The following ALDH1A2 variants were observed in gnomAD, a reference collection of about 807,000 sequenced individuals.
The protein encoded by ALDH1A2 is aldehyde dehydrogenase 1 family member A2.
Under a neutral mutation model 60.3 loss-of-function variants are expected in ALDH1A2, and 27 were observed. That is an observed-to-expected ratio of 0.45 (90% CI 0.33 to 0.62). The LOEUF (loss-of-function observed/expected upper bound fraction) is 0.62, where lower values mean the gene tolerates loss of function less well. ALDH1A2 is among the 20% of genes least tolerant of loss of function. ALDH1A2 has a pLI of 0.02. For synonymous variants in ALDH1A2, 289 were observed against 232.4 expected, an observed-to-expected ratio of 1.24 and a Z score of -2.21; for missense variants, 581 against 643.8, an observed-to-expected ratio of 0.90 and a Z score of 1.06.
intron 4 of ALDH1A2, among the ~76,000 whole-genome samples, chr15:57,996,699 G>A (rs1483654435): frequency 6.6e-6 from 1 of 151,752 alleles, no homozygotes; most frequent in Non-Finnish European, 1.5e-5. Context: ...GGAATTTCTT[G>A]ATCTAAGTGT....
At chr15:57,973,779 C>T (rs1455860184) in intron 7 of ALDH1A2, among the ~76,000 whole-genome samples, 1 of 152,194 alleles carries the variant, frequency 6.6e-6, no homozygotes, top group African/African-American at 2.4e-5. Flanking sequence ...TAGTTCCCCT[C>T]CAAATGAATG....
At chr15:58,027,953 G>A (rs1430469398) in intron 1 of ALDH1A2, among the ~76,000 whole-genome samples, 1 of 152,142 alleles carries the variant, frequency 6.6e-6, no homozygotes, top group African/African-American at 2.4e-5. Flanking sequence ...GGGGACAATG[G>A]AACCAAGTTA....
chr15:57,979,872 A>C, intron 7 of ALDH1A2: 1 of 331,568 alleles, frequency 3.0e-6, no homozygotes, highest in Admixed American at 3.1e-5. Context: ...AGACCTGGCT[A>C]CTATGGTTGG....
chr15:57,980,344 G>A (rs1894450162), intron 7 of ALDH1A2: 1 of 416,790 alleles, frequency 2.4e-6, no homozygotes, highest in Admixed American at 2.5e-5. Context: ...GGTCCATGGG[G>A]TTCATGTCAT....
At chr15:58,022,597 G>A (rs1391294862) in intron 1 of ALDH1A2, among the ~76,000 whole-genome samples, 2 of 152,086 alleles carry the variant, frequency 1.3e-5, no homozygotes, top group Non-Finnish European at 2.9e-5. Context: ...ATTCCACACT[G>A]AGGCACAAAG....
chr15:57,961,131 T>C lies in ALDH1A2; in HGVS notation c.1409+6A>G. On this transcript the variant is annotated splice_donor_region_variant and intron_variant, in intron 11 of 12. Transcript: ENST00000249750. ...GAATTTGTTACAAGACTGACTCTGA[T>C]CTTACCAAACAGTCCCAGCTTGCAT... 1 of 1,613,970 alleles carries C rather than the reference T, an allele frequency of 6.2e-7. No individual in the cohort carries two copies.
At chr15:57,997,678 A>G (rs1277462917) in intron 4 of ALDH1A2, among the ~76,000 whole-genome samples, 2 of 152,000 alleles carry the variant, frequency 1.3e-5, no homozygotes, top group African/African-American at 2.4e-5. Flanking sequence ...AAGTTACCGA[A>G]AAAAGTGAAA....
intron 1 of ALDH1A2, among the ~76,000 whole-genome samples, chr15:58,048,456 G>A (rs1426065317): frequency 6.6e-6 from 1 of 152,076 alleles, no homozygotes. Context: ...AGAGACAAAA[G>A]GTCACTAGTC....
At chr15:58,049,024 A>C (rs761616997) in intron 1 of ALDH1A2, among the ~76,000 whole-genome samples, 16 of 151,758 alleles carry the variant, frequency 1.1e-4, no homozygotes, top group Admixed American at 2.0e-4. Flanking sequence ...GCTTTCTGGC[A>C]CTATAGATTA....
At chr15:58,037,466 C>T (rs1427890816) in intron 1 of ALDH1A2, among the ~76,000 whole-genome samples, 1 of 151,542 alleles carries the variant, frequency 6.6e-6, no homozygotes, top group Non-Finnish European at 1.5e-5. Context: ...AAAATTTAGG[C>T]ATTCAATACT....
intron 3 of ALDH1A2, among the ~76,000 whole-genome samples, chr15:58,012,832 G>C (rs1191852266): frequency 1.3e-5 from 2 of 152,096 alleles, no homozygotes; most frequent in African/African-American, 4.8e-5. Flanking sequence ...AAGCCCAATA[G>C]TGACCTATTT....
At chr15:58,059,356 G>T (rs185278648) in intron 1 of ALDH1A2, among the ~76,000 whole-genome samples, 6 of 152,264 alleles carry the variant, frequency 3.9e-5, no homozygotes, top group Non-Finnish European at 7.4e-5. Flanking sequence ...AAATAGCCAC[G>T]GCCTGGTGCT....
At chr15:58,007,610 C>G (rs139015810) in intron 4 of ALDH1A2, among the ~76,000 whole-genome samples, 93 of 152,106 alleles carry the variant, frequency 6.1e-4, no homozygotes, top group Admixed American at 1.4e-3. Flanking sequence ...AGATCACACA[C>G]AGAATCACAT....
chr15:57,957,763 C>T (rs910545319), intron 12 of ALDH1A2, among the ~76,000 whole-genome samples: 2 of 152,192 alleles, frequency 1.3e-5, no homozygotes, highest in African/African-American at 4.8e-5. Context: ...TTTTAGGACT[C>T]ACTCAGACTT....
chr15:57,967,870 C>G (rs890587459), intron 7 of ALDH1A2, among the ~76,000 whole-genome samples: 1 of 152,182 alleles, frequency 6.6e-6, no homozygotes, highest in African/African-American at 2.4e-5. Context: ...AGGCCCTGTT[C>G]TCACACAGAC....
chr15:58,052,346 T>A (rs1896796129), intron 1 of ALDH1A2, among the ~76,000 whole-genome samples: 1 of 152,162 alleles, frequency 6.6e-6, no homozygotes, highest in South Asian at 2.1e-4. Context: ...CAGGGTGGGG[T>A]AAAGAAATCT....
intron 10 of ALDH1A2, among the ~76,000 whole-genome samples, chr15:57,961,606 G>A (rs78962431): frequency 3.9e-5 from 6 of 152,262 alleles, no homozygotes; most frequent in East Asian, 1.9e-4. Context: ...GCTCCAGAAC[G>A]GAATGCTCTG....
At chr15:58,062,043 C>G (rs1897052377) in intron 1 of ALDH1A2, among the ~76,000 whole-genome samples, 1 of 152,072 alleles carries the variant, frequency 6.6e-6, no homozygotes, top group African/African-American at 2.4e-5. Flanking sequence ...AAATAGACCC[C>G]AGAAAACAGA....
intron 7 of ALDH1A2, among the ~76,000 whole-genome samples, chr15:57,992,365 G>T (rs1894924545): frequency 6.6e-6 from 1 of 152,222 alleles, no homozygotes; most frequent in Admixed American, 6.5e-5. Flanking sequence ...GGGAAAGCTT[G>T]TGTCTCCATT....
Sources: gnomAD v4.1 joint callset for allele counts (sites outside exome capture counted in the v4.1 genomes callset) on GRCh38, gnomAD v4.1.1 for gene constraint, MANE v1.5 for transcripts, NCBI Gene and HGNC (gene_info 2026-07-23, HGNC 2026-07-21) for gene names.